SV2C: variants seen among roughly 807,000 people sequenced by gnomAD.
SV2C encodes the protein solute carrier family 22 member B3.
A neutral mutation model predicts 79.7 loss-of-function variants in SV2C; 49 were observed. That is an observed-to-expected ratio of 0.61 (90% confidence interval 0.49 to 0.78). The LOEUF is 0.78. Among genes scored for constraint, SV2C ranks in the 30% least tolerant of loss-of-function variants. The pLI, the probability that SV2C is intolerant of heterozygous loss-of-function variation, is 0.00. For synonymous variants in SV2C, 334 were observed against 333.2 expected (o/e 1.00, Z -0.03); for missense variants, 833 against 912.9 (o/e 0.91, Z 1.13).
the SV2C span, among the ~76,000 whole-genome samples, chr5:75,962,767 C>T: frequency 6.6e-6 from 1 of 152,102 alleles, no homozygotes; most frequent in Admixed American, 6.6e-5. Flanking sequence ...AGCCATGTGG[C>T]CAAACCACCA....
At chr5:76,015,676 A>G in the SV2C span, among the ~76,000 whole-genome samples, 3 of 152,168 alleles carry the variant, frequency 2.0e-5, no homozygotes, top group African/African-American at 7.2e-5. Context: ...CAATCAAACT[A>G]TAAGAGAGGT....
At chr5:76,275,171 A>G (rs973982921) in intron 4 of SV2C, among the ~76,000 whole-genome samples, 1 of 152,196 alleles carries the variant, frequency 6.6e-6, no homozygotes, top group Non-Finnish European at 1.5e-5. Flanking sequence ...TTCATTAATA[A>G]TATCACATAA....
intron 2 of SV2C, among the ~76,000 whole-genome samples, chr5:76,169,856 G>A (rs1274492894): frequency 6.6e-6 from 1 of 152,180 alleles, no homozygotes; most frequent in Admixed American, 6.5e-5. Flanking sequence ...GTGTCAATTT[G>A]TGGAGAAAGA....
chr5:75,889,794 CAA>C, the SV2C span, among the ~76,000 whole-genome samples: 1 of 152,018 alleles, frequency 6.6e-6, no homozygotes, highest in African/African-American at 2.4e-5. Context: ...TCATTGAGTT[CAA>C]AGATTGTAAA....
rs894429599 is a variant in SV2C at position 76,143,828 on chromosome 5, A to C, written c.580+11498A>C. The stretch of plus-strand genomic sequence containing the variant: ...TTCAAACTAACGAATATGTATTAGA[A>C]AATCAAGCTGGTCATCAACTGAGCC... On this transcript the variant is annotated intron_variant, in intron 2 of 12. Transcript: ENST00000502798. Among the ~76,000 whole-genome samples, 4 of 152,368 alleles carry C rather than the reference A, an allele frequency of 2.6e-5. No homozygotes were observed. In the East Asian group the frequency reaches 7.7e-4, roughly 29 times the overall value.
intron 4 of SV2C, among the ~76,000 whole-genome samples, chr5:76,279,051 G>A (rs565744429): frequency 1.3e-5 from 2 of 152,294 alleles, no homozygotes; most frequent in East Asian, 3.9e-4. Context: ...GAACATTGGG[G>A]ATTGTGAGGG....
At chr5:76,291,354 A>C (rs765323420) in intron 7 of SV2C, 23 bp downstream of exon 7, 1 of 1,546,270 alleles carries the variant, frequency 6.5e-7, no homozygotes, top group Non-Finnish European at 8.8e-7. Context: ...TCCCATGATG[A>C]CCTGCATGTT....
At chr5:75,851,637 A>C in the SV2C span, among the ~76,000 whole-genome samples, 4 of 151,684 alleles carry the variant, frequency 2.6e-5, no homozygotes, top group African/African-American at 9.7e-5. Flanking sequence ...GGGTGGAAAC[A>C]TTGGATCTTT....
At chr5:76,192,044 T>A (rs748694940) in intron 2 of SV2C, among the ~76,000 whole-genome samples, 2 of 152,202 alleles carry the variant, frequency 1.3e-5, no homozygotes, top group African/African-American at 2.4e-5. Context: ...CTAGCAGGTC[T>A]TGCCTGTTTC....
chr5:76,227,097 C>A (rs549949437), intron 4 of SV2C, among the ~76,000 whole-genome samples: 1 of 152,130 alleles, frequency 6.6e-6, no homozygotes, highest in Admixed American at 6.5e-5. Context: ...GATTGGCAGG[C>A]GATGACACCT....
At chr5:76,018,225 T>G in the SV2C span, among the ~76,000 whole-genome samples, 3 of 152,216 alleles carry the variant, frequency 2.0e-5, no homozygotes, top group Non-Finnish European at 4.4e-5. Context: ...TGGTGGACAC[T>G]GTTCCCTGCA....
the SV2C span, among the ~76,000 whole-genome samples, chr5:75,858,852 A>AT: frequency 0.096 from 14,522 of 151,654 alleles, 1,695 homozygotes; most frequent in African/African-American, 0.28. Context: ...CTAGGAATTT[A>AT]TTTTTCTATT....
the SV2C span, among the ~76,000 whole-genome samples, chr5:75,868,637 C>T: frequency 6.6e-6 from 1 of 152,188 alleles, no homozygotes; most frequent in Non-Finnish European, 1.5e-5. Context: ...ACTGTATCCA[C>T]CAATCCAAAG....
chr5:76,257,263 ATGTGTGTGTG>A (rs59644660), intron 4 of SV2C, among the ~76,000 whole-genome samples: 37 of 134,834 alleles, frequency 2.7e-4, no homozygotes, highest in Middle Eastern at 3.8e-3. Flanking sequence ...GCTGTAGTGT[ATGTGTGTGTG>A]TGTGTGTGTG....
At chr5:75,858,611 C>T in the SV2C span, among the ~76,000 whole-genome samples, 1 of 152,126 alleles carries the variant, frequency 6.6e-6, no homozygotes, top group Non-Finnish European at 1.5e-5. Flanking sequence ...TAATACTCAG[C>T]TCATAGAATG....
rs921377504 is a variant in SV2C at position 76,323,306 on chromosome 5, T to C, written c.2001-2058T>C. The stretch of plus-strand genomic sequence containing the variant: ...AAGAAAAGCTCAACATCACTGATCA[T>C]AGAGAAATGAAAATCAAAACTGCAA... On this transcript the variant is annotated intron_variant, in intron 12 of 12. Coordinates refer to ENST00000502798, the MANE Select transcript of SV2C (RefSeq NM_014979.4). 5.9e-5 allele frequency among the ~76,000 whole-genome samples: 9 copies of C among 152,266 alleles called. No homozygotes were observed. In the East Asian group the frequency reaches 1.3e-3, roughly 23 times the overall value.
chr5:76,276,548 G>T (rs138309502), intron 4 of SV2C, among the ~76,000 whole-genome samples: 1 of 151,884 alleles, frequency 6.6e-6, no homozygotes, highest in Non-Finnish European at 1.5e-5. Flanking sequence ...GGCTGGTCTC[G>T]AACTCCTGAC....
At chr5:76,190,992 C>G (rs1333249117) in intron 2 of SV2C, among the ~76,000 whole-genome samples, 1 of 152,082 alleles carries the variant, frequency 6.6e-6, no homozygotes, top group African/African-American at 2.4e-5. Context: ...TAAGTCAATT[C>G]TCACACTGCT....
intron 3 of SV2C, among the ~76,000 whole-genome samples, chr5:76,201,322 C>A (rs1744435486): frequency 6.6e-6 from 1 of 152,068 alleles, no homozygotes; most frequent in Admixed American, 6.5e-5. Flanking sequence ...TTATTTGTAG[C>A]CAGTCACTGT....
Sources: gnomAD v4.1 joint callset for allele counts (sites outside exome capture counted in the v4.1 genomes callset) on GRCh38, gnomAD v4.1.1 for gene constraint, MANE v1.5 for transcripts, NCBI Gene and HGNC (gene_info 2026-07-23, HGNC 2026-07-21) for gene names.